The following TTN variants were observed in gnomAD, a reference collection of about 807,000 sequenced individuals.
TTN encodes titin, also known as connectin.
A neutral mutation model predicts 3,223.0 loss-of-function variants in TTN; 1,525 were observed. The observed-to-expected ratio is 0.47, with a 90% CI of 0.45 to 0.49. The LOEUF (loss-of-function observed/expected upper bound fraction) is 0.49, where lower values mean the gene tolerates loss of function less well. Ranked by LOEUF, TTN falls within the 20% of genes least tolerant of loss-of-function variation. The pLI, the probability that TTN is intolerant of heterozygous loss-of-function variation, is 0.00. For synonymous variants in TTN, 14,094 were observed against 15,161.0 expected (o/e 0.93, Z 5.17); for missense variants, 40,786 against 43,424.0 (o/e 0.94, Z 5.40).
chr2:178,558,609 T>A lies in TTN; in HGVS notation c.86850A>T (p.Gly28950=). 1 of 1,612,212 alleles carries A rather than the reference T, an allele frequency of 6.2e-7. No homozygotes were observed. The highest frequency in any genetic ancestry group is 1.1e-5 in the South Asian group (1 of 90,392). The change falls in exon 327 of 363, where the codon GGA becomes GGT. Residue 28950 remains glycine, a synonymous_variant. Coordinates refer to ENST00000589042, the MANE Select transcript of TTN (RefSeq NM_001267550.2). The part of the protein sequence containing the change: ...TEKPSPPEKL[G]VTSISKDSVS... The stretch of plus-strand genomic sequence containing the variant: ...CACTGTCTTTGGATATACTTGTTAC[T>A]CCAAGTTTTTCAGGTGGGCTTGGTT...
chr2:178,630,506 G>T, intron 238 of TTN, 139 bp from the exon 239 acceptor site: 2 of 1,190,964 alleles, frequency 1.7e-6, no homozygotes, highest in South Asian at 1.5e-5. Flanking sequence ...TCTTTTTTTA[G>T]GAAGTAAAGC....
chr2:178,651,231 A>G lies in TTN; in HGVS notation c.39625+12T>C. ...GAGTGCTTTTCTGCAGAATCTCATT[A>G]GTGACATGTACCTTTTGCTGGTGGG... On this transcript the variant is annotated intron_variant, in intron 208 of 362. Transcript: ENST00000589042. 6.2e-7 allele frequency: 1 copy of G among 1,607,498 alleles called. No individual in the cohort carries two copies. Among genetic ancestry groups the G allele is most frequent in the Non-Finnish European group, 8.5e-7 (1 of 1,175,516 alleles).
chr2:178,555,114 C>A lies in TTN; in HGVS notation c.88345G>T (p.Val29449Phe). ...GATGTACCTGCTCTGTATTTGACAA[C>A]TTCTGTATATTCTAGAGGCAAATCA... The part of the protein sequence containing the change: ...VIDLPLEYTE[V>F]VKYRAGTSVK... The change falls in exon 331 of 363, where the codon GTT becomes TTT. Residue 29449 changes from valine to phenylalanine, a missense_variant. By Grantham distance (50) the Val-to-Phe change is conservative. Coordinates refer to ENST00000589042, the MANE Select transcript of TTN (RefSeq NM_001267550.2). 1 of 1,613,464 alleles carries A rather than the reference C, an allele frequency of 6.2e-7. No individual in the cohort carries two copies. Among genetic ancestry groups the A allele is most frequent in the Non-Finnish European group, 8.5e-7 (1 of 1,179,736 alleles).
At chr2:178,681,759 T>C in intron 135 of TTN, 21 bp from the exon 136 acceptor site, 2 of 1,546,352 alleles carry the variant, frequency 1.3e-6, no homozygotes, top group Non-Finnish European at 1.7e-6. Flanking sequence ...ACATACAAGG[T>C]ATTTCATGTT....
chr2:178,555,929 G>A lies in TTN; in HGVS notation c.88307-777C>T, dbSNP rs191122232. 6 of 152,284 alleles carry A rather than the reference G, an allele frequency of 3.9e-5. No individual in the cohort carries two copies. The East Asian group carries it at 5.8e-4, about 15-fold the overall frequency. The allele number at this position is 152,284 out of a possible 1,614,324, so 9.4% of individuals were successfully genotyped here. The stretch of plus-strand genomic sequence containing the variant: ...TATTTTCCAGAATGGTGAAGAATAC[G>A]CATTTTGGACTAACCATGATAGAGA... On this transcript the variant is annotated intron_variant, in intron 330 of 362. Transcript: ENST00000589042.
Position 178,578,565 on chromosome 2 carries a change from G to A in TTN, c.68329+46C>T, listed in dbSNP as rs2046982225. 2.1e-6 allele frequency: 3 copies of A among 1,406,008 alleles called. No homozygotes were observed. The Admixed American group carries it at 5.6e-5, about 26-fold the overall frequency. 87.1% of individuals were successfully genotyped at this position (1,406,008 alleles called of 1,614,324 possible). A position where few individuals can be genotyped will look rare whatever the true frequency, so the allele number is the denominator to read the frequency against. On this transcript the variant is annotated intron_variant, in intron 321 of 362. Coordinates refer to ENST00000589042, the MANE Select transcript of TTN (RefSeq NM_001267550.2). ...CAACTGTTCTCAGGGAAATATTTGTGAGGAATCTTGATGTAAAAGCTGTAG... is the reference window on the plus strand; with the variant it reads ...CAACTGTTCTCAGGGAAATATTTGTAAGGAATCTTGATGTAAAAGCTGTAG...
chr2:178,739,977 A>G lies in TTN; in HGVS notation c.13256T>C (p.Leu4419Pro). 1 of 1,613,828 alleles carries G rather than the reference A, an allele frequency of 6.2e-7. No homozygotes were observed. Among genetic ancestry groups the G allele is most frequent in the Non-Finnish European group, 8.5e-7 (1 of 1,179,804 alleles). Residue 4419 changes from leucine (L) to proline (P), a missense_variant, in exon 48 of 363, where the codon CTA (leucine) becomes CCA (proline). By Grantham distance (98) the Leu-to-Pro change is moderately conservative. Coordinates refer to ENST00000589042, the MANE Select transcript of TTN (RefSeq NM_001267550.2). ...GACCTCCACCTTTTCAATATTTCTTAGCCACTCAGAGAAAAGACCTGGCTG... is the reference window on the plus strand; with the variant it reads ...GACCTCCACCTTTTCAATATTTCTTGGCCACTCAGAGAAAAGACCTGGCTG... ...SEQPGLFSEW[L>P]RNIEKVEVEA... is the part of the protein sequence containing the mutation.
intron 282 of TTN, 61 bp from the exon 283 acceptor site, chr2:178,602,651 C>A: frequency 7.8e-7 from 1 of 1,280,644 alleles, no homozygotes; most frequent in South Asian, 1.8e-5. Context: ...GTGCTGGAGT[C>A]TTTTACTACA....
chr2:178,598,767 C>T lies in TTN; in HGVS notation c.56943G>A (p.Ala18981=), dbSNP rs370998052. ...VGPASLPSDP[A]TARDPIAPPG... is the part of the protein sequence containing the mutation. ...GCTTACCAATTGGATCTCTAGCAGTCGCTGGGTCTGATGGCAGACTTGCTG... is the reference window on the plus strand; with the variant it reads ...GCTTACCAATTGGATCTCTAGCAGTTGCTGGGTCTGATGGCAGACTTGCTG... The change falls in exon 291 of 363, where the codon GCG becomes GCA. Residue 18981 remains alanine, a synonymous_variant. Coordinates refer to ENST00000589042, the MANE Select transcript of TTN (RefSeq NM_001267550.2). The T allele has an allele frequency of 2.0e-5, 33 of 1,613,154 alleles. No homozygotes were observed. In the East Asian group the frequency reaches 2.7e-4, roughly 13 times the overall value.
rs781236190 is a variant in TTN at position 178,740,460 on chromosome 2, T to A, written c.12773A>T (p.Gln4258Leu). 6.2e-7 allele frequency: 1 copy of A among 1,613,710 alleles called. No homozygotes were observed. The highest frequency in any genetic ancestry group is 1.7e-5 in the Admixed American group (1 of 59,994). ...QRVTLQKQEA[Q>L]SALILSQSLA... ...GCTCTGACTCAAGATGAGCGCACTT[T>A]GTGCCTCTTGCTTTTGAAGAGTCAC... is the stretch of plus-strand genomic sequence containing the variant. Residue 4258 changes from glutamine (Q) to leucine (L), a missense_variant, in exon 48 of 363, where the codon CAA (glutamine) becomes CTA (leucine). Transcript: ENST00000589042.
In TTN at chr2:178,721,905, A is replaced by C; in HGVS notation, c.22758T>G (p.Thr7586=). 1.2e-6 allele frequency: 2 copies of C among 1,613,364 alleles called. No homozygotes were observed. The highest frequency in any genetic ancestry group is 1.7e-6 in the Non-Finnish European group (2 of 1,179,492). The change falls in exon 78 of 363, where the codon ACT becomes ACG. Residue 7586 remains threonine (T), a synonymous_variant. Transcript: ENST00000589042. The part of the protein sequence containing the change: ...KVGKGDSGQY[T]CQATNDVGKD... ...TGCCAACATCATTGGTTGCTTGGCA[A>C]GTATATTGACCAGAGTCTCCTTTGC...
chr2:178,604,741 T>C lies in TTN; in HGVS notation c.54348A>G (p.Glu18116=). Residue 18116 remains glutamate (E), a synonymous_variant, in exon 281 of 363, where the codon GAA becomes GAG. Transcript: ENST00000589042. ...DASRKKAEWE[E]VTNTAVEKRY... Reference sequence around the variant, plus strand: ...TTTTCTCTACAGCAGTGTTGGTGACTTCCTCCCATTCTGCTTTCTTCCTAC... The same window carrying C: ...TTTTCTCTACAGCAGTGTTGGTGACCTCCTCCCATTCTGCTTTCTTCCTAC... The C allele has an allele frequency of 2.5e-6, 4 of 1,611,808 alleles. No homozygotes were observed. Among genetic ancestry groups the C allele is most frequent in the Non-Finnish European group, 2.5e-6 (3 of 1,178,668 alleles).
rs774136558 is a variant in TTN, at chr2:178,576,085, C to T, written c.70047G>A (p.Glu23349=). The change falls in exon 326 of 363, where the codon GAG becomes GAA. Residue 23349 remains glutamate, a synonymous_variant. Transcript: ENST00000589042. The surrounding 1 kb of genome is among the most constrained non-coding windows in gnomAD (Gnocchi z 4.3). ...EMAPDFELDA[E]LRRTLVVRAG... is the part of the protein sequence containing the mutation. ...CTCTAACAACAAGTGTTCTTCGAAG[C>T]TCGGCATCTAGTTCAAAATCAGGAG... The T allele has an allele frequency of 6.2e-7, 1 of 1,613,376 alleles. No homozygotes were observed. Among genetic ancestry groups the T allele is most frequent in the Non-Finnish European group, 8.5e-7 (1 of 1,179,600 alleles).
chr2:178,624,883 A>G (rs72677218), intron 241 of TTN, among the ~76,000 whole-genome samples, 152 bp from the exon 242 acceptor site: 30 of 152,114 alleles, frequency 2.0e-4, no homozygotes, highest in South Asian at 1.0e-3. Flanking sequence ...TCCTCTAAAA[A>G]TGATATTTTA....
intron 47 of TTN, chr2:178,746,664 G>A (rs761620592): frequency 6.2e-7 from 1 of 1,613,148 alleles, no homozygotes; most frequent in South Asian, 1.1e-5. Flanking sequence ...TCTCCTTTTT[G>A]AATGTTAGAA....
In TTN at chr2:178,567,180, C is replaced by T. The variant is rs772799438; in HGVS notation, c.78952G>A (p.Asp26318Asn). The T allele has an allele frequency of 1.9e-6, 3 of 1,613,254 alleles. No individual in the cohort carries two copies. In the South Asian group the frequency reaches 3.3e-5, roughly 18 times the overall value. Residue 26318 changes from aspartate (D) to asparagine (N), a missense_variant, in exon 326 of 363, where the codon GAC becomes AAC. Asp to Asn is a conservative substitution (Grantham distance 23). Coordinates refer to ENST00000589042, the MANE Select transcript of TTN (RefSeq NM_001267550.2). Reference protein sequence around the residue: ...WSPPLQDGGSDISHYVVEKRE... With the variant: ...WSPPLQDGGSNISHYVVEKRE... ...TTTTCAACAACATAGTGAGAAATGT[C>T]ACTGCCACCATCTTGAAGTGGTGGA...
rs1060500429 is a variant in TTN at position 178,764,179 on chromosome 2, G to A, written c.10112C>T (p.Thr3371Ile). 1.2e-6 allele frequency: 2 copies of A among 1,614,064 alleles called. No homozygotes were observed. Among genetic ancestry groups the A allele is most frequent in the Non-Finnish European group, 1.7e-6 (2 of 1,179,944 alleles). ...ACACCTTTTGTTCTTAAACCTACCT[G>A]TTCCAGAAACCCGGCATTGAAAACG... ...PARFQCRVSG[T>I]DLKVSWYSKD... The change falls in exon 43 of 363, where the codon ACA (threonine) becomes ATA (isoleucine). Residue 3371 changes from threonine to isoleucine, a missense_variant and splice_region_variant. Physicochemically the swap from Thr to Ile is moderately conservative, Grantham distance 89 (BLOSUM62 -1). Transcript: ENST00000589042.
intron 165 of TTN, among the ~76,000 whole-genome samples, 168 bp downstream of exon 165, chr2:178,665,209 G>A (rs1220947215): frequency 6.6e-6 from 1 of 152,130 alleles, no homozygotes; most frequent in East Asian, 1.9e-4. Flanking sequence ...GGCAGAAACA[G>A]CCATAAATAA....
chr2:178,632,648 A>C lies in TTN; in HGVS notation c.43358T>G (p.Phe14453Cys), dbSNP rs777429220. 1.2e-6 allele frequency: 2 copies of C among 1,613,496 alleles called. No homozygotes were observed. The highest frequency in any genetic ancestry group is 2.2e-5 in the South Asian group (2 of 91,072). The stretch of plus-strand genomic sequence containing the variant: ...CTTAGTGCCATCCTTTATAAGCTCA[A>C]ATCTGTCATCACCTGTGATTTCCTG... The part of the protein sequence containing the change: ...GTQEITGDDR[F>C]ELIKDGTKHS... The change falls in exon 235 of 363, where the codon TTT becomes TGT. Residue 14453 changes from phenylalanine (F) to cysteine (C), a missense_variant. By Grantham distance (205) the Phe-to-Cys change is radical. Coordinates refer to ENST00000589042, the MANE Select transcript of TTN (RefSeq NM_001267550.2).
Sources: gnomAD v4.1 joint callset for allele counts (sites outside exome capture counted in the v4.1 genomes callset) on GRCh38, gnomAD v4.1.1 for gene constraint, Gnocchi (gnomAD v3.1) non-coding constraint, MANE v1.5 for transcripts, NCBI Gene and HGNC (gene_info 2026-07-23, HGNC 2026-07-21) for gene names.